Variants in THADA observed in about 807,000 individuals in gnomAD.
The protein encoded by THADA is tRNA (32-2'-O)-methyltransferase regulator THADA.
THADA carries 213 observed loss-of-function variants against 219.8 expected under a neutral mutation model. The ratio of observed to expected loss-of-function variants is 0.97; its 90% CI spans 0.87 to 1.09. The LOEUF (loss-of-function observed/expected upper bound fraction) is 1.09, where lower values mean the gene tolerates loss of function less well. THADA is among the 50% of genes least tolerant of loss of function. The pLI, the probability that THADA is intolerant of heterozygous loss-of-function variation, is 0.00. For synonymous variants in THADA, 1,018 were observed against 828.9 expected (o/e 1.23, Z -3.92); for missense variants, 2,956 against 2,311.3 (o/e 1.28, Z -5.72).
intron 29 of THADA, among the ~76,000 whole-genome samples, chr2:43,349,641 C>T (rs942962029): frequency 2.3e-4 from 35 of 152,162 alleles, no homozygotes; most frequent in African/African-American, 8.0e-4. Flanking sequence ...CAGAAACCAG[C>T]AGGATCCAGC....
intron 36 of THADA, among the ~76,000 whole-genome samples, chr2:43,249,106 T>TG (rs1669556141): frequency 6.6e-6 from 1 of 151,942 alleles, no homozygotes; most frequent in South Asian, 2.1e-4. Context: ...TTTTTTGAGA[T>TG]GGGGTCTAAC....
At chr2:43,305,188 A>G (rs1452104347) in intron 31 of THADA, among the ~76,000 whole-genome samples, 1 of 151,956 alleles carries the variant, frequency 6.6e-6, no homozygotes, top group Non-Finnish European at 1.5e-5. Flanking sequence ...ATTTGTAGAG[A>G]AAAGGAAACC....
intron 31 of THADA, among the ~76,000 whole-genome samples, chr2:43,306,918 T>C (rs1181707215): frequency 3.9e-5 from 6 of 152,198 alleles, no homozygotes; most frequent in Admixed American, 3.9e-4. Flanking sequence ...GGCTTTTTCT[T>C]GTAATGTGAC....
chr2:43,498,843 G>C lies in THADA; in HGVS notation c.3734C>G (p.Pro1245Arg). The C allele has an allele frequency of 6.2e-7, 1 of 1,612,870 alleles. No homozygotes were observed. Among genetic ancestry groups the C allele is most frequent in the Non-Finnish European group, 8.5e-7 (1 of 1,179,486 alleles). ...AGTGACAGCACTTACTGCCCAGACC[G>C]GTGATGTAAAACCCAGAATTGCAGC... is the stretch of plus-strand genomic sequence containing the variant. ...AKAAILGFTS[P>R]VWAVRNSSTL... The change falls in exon 25 of 38, where the codon CCG (proline) becomes CGG (arginine). Residue 1245 changes from proline to arginine, a missense_variant. Coordinates refer to ENST00000405975, the MANE Select transcript of THADA (RefSeq NM_022065.5).
intron 35 of THADA, among the ~76,000 whole-genome samples, chr2:43,284,499 T>G (rs1187812315): frequency 6.6e-6 from 1 of 151,924 alleles, no homozygotes; most frequent in Non-Finnish European, 1.5e-5. Context: ...AAGGCAAGAG[T>G]TGAGGTTTGG....
chr2:43,556,478 T>G lies in THADA; in HGVS notation c.2541A>C (p.Thr847=), dbSNP rs780551344. The stretch of plus-strand genomic sequence containing the variant: ...TTAAGAAGTTCAGCAGGTAGGAAGC[T>G]GTCACACAGTCGTATGGTTTGGTGC... ...STSTKPYDCV[T]ASYLLNFLIW... The change falls in exon 17 of 38, where the codon ACA becomes ACC. Residue 847 remains threonine (T), a synonymous_variant. Coordinates refer to ENST00000405975, the MANE Select transcript of THADA (RefSeq NM_022065.5). 2 of 1,613,932 alleles carry G rather than the reference T, an allele frequency of 1.2e-6. No homozygotes were observed. The highest frequency in any genetic ancestry group is 4.5e-5 in the East Asian group (2 of 44,886).
In THADA at chr2:43,569,115, G is replaced by A. The variant is rs192860155; in HGVS notation, c.2187+1273C>T. Among the ~76,000 whole-genome samples the A allele has an allele frequency of 8.6e-5, 13 of 152,018 alleles. No individual in the cohort carries two copies. The East Asian group carries it at 2.1e-3, about 25-fold the overall frequency. On this transcript the variant is annotated intron_variant, in intron 14 of 37. Transcript: ENST00000405975. ...GCCTCCAGAGTATCTGGGAACACAG[G>A]TGCACACCACCACGCCCGTCTCAGG...
rs772499337 is a variant in THADA, at chr2:43,485,304, G to C, written c.3766C>G (p.Leu1256Val). ...ATTCTTGTGATCAAGGCACTAAAGA[G>C]AAGTGTGGATGAATTTCGCACCTAA... ...VWAVRNSSTL[L>V]FSALITRIFG... Residue 1256 changes from leucine to valine, a missense_variant, in exon 26 of 38, where the codon CTC (leucine) becomes GTC (valine). Transcript: ENST00000405975. 6.2e-7 allele frequency: 1 copy of C among 1,612,846 alleles called. No homozygotes were observed. The highest frequency in any genetic ancestry group is 8.5e-7 in the Non-Finnish European group (1 of 1,179,356).
At chr2:43,411,447 C>A (rs181805505) in intron 28 of THADA, among the ~76,000 whole-genome samples, 2 of 152,146 alleles carry the variant, frequency 1.3e-5, no homozygotes, top group African/African-American at 2.4e-5. Context: ...CTGTATTCAG[C>A]GGTATGATTT....
At chr2:43,251,788 C>T (rs973570978) in intron 36 of THADA, among the ~76,000 whole-genome samples, 1 of 152,220 alleles carries the variant, frequency 6.6e-6, no homozygotes, top group African/African-American at 2.4e-5. Flanking sequence ...CTCCCCTATC[C>T]TCATGCCTTT....
At chr2:43,372,864 C>T (rs998179312) in intron 29 of THADA, among the ~76,000 whole-genome samples, 3 of 152,078 alleles carry the variant, frequency 2.0e-5, no homozygotes, top group African/African-American at 7.2e-5. Flanking sequence ...ACCACACCTT[C>T]GCTAATTTTT....
At chr2:43,584,745 T>C (rs937028340) in intron 7 of THADA, among the ~76,000 whole-genome samples, 2 of 152,196 alleles carry the variant, frequency 1.3e-5, no homozygotes, top group East Asian at 3.9e-4. Context: ...ATTTGATTTG[T>C]AGTCCCAAAT....
intron 26 of THADA, among the ~76,000 whole-genome samples, chr2:43,470,757 A>T (rs950295363): frequency 2.6e-5 from 4 of 152,228 alleles, no homozygotes; most frequent in Non-Finnish European, 5.9e-5. Context: ...AAAGTGAAAC[A>T]GATAGAGGCA....
chr2:43,425,476 G>C (rs907607480), intron 28 of THADA, among the ~76,000 whole-genome samples: 2 of 151,232 alleles, frequency 1.3e-5, no homozygotes, highest in African/African-American at 4.9e-5. Flanking sequence ...GTGTGTGTGT[G>C]TGTGTGTGTG....
At position 43,439,734 on chromosome 2, in the gene THADA, G is replaced by A. The variant is rs112065771; in HGVS notation, c.3837-9432C>T. On this transcript the variant is annotated intron_variant, in intron 26 of 37. Transcript: ENST00000405975. ...AAATATAGTGTATATACGGTTCAGC[G>A]TATCCATGGTTCGAGGCATCCACTG... Among the ~76,000 whole-genome samples the A allele has an allele frequency of 2.5e-4, 38 of 152,224 alleles. 1 individual carries two copies. The highest frequency in any genetic ancestry group is 8.9e-4 in the African/African-American group (37 of 41,540).
At chr2:43,318,578 C>T (rs1426429037) in intron 31 of THADA, among the ~76,000 whole-genome samples, 2 of 152,118 alleles carry the variant, frequency 1.3e-5, no homozygotes, top group African/African-American at 4.8e-5. Context: ...CCACATATGA[C>T]TAGTGGCTGC....
chr2:43,231,718 C>A (rs1349876712), intron 37 of THADA, among the ~76,000 whole-genome samples: 5 of 152,136 alleles, frequency 3.3e-5, no homozygotes, highest in African/African-American at 9.7e-5. Context: ...GAGGAAAGGT[C>A]ATCTCTGCAG....
chr2:43,478,397 T>C (rs1685791824), intron 26 of THADA, among the ~76,000 whole-genome samples: 1 of 152,202 alleles, frequency 6.6e-6, no homozygotes, highest in Non-Finnish European at 1.5e-5. Context: ...CTCAGTGGTA[T>C]TGCTCTACAG....
intron 7 of THADA, among the ~76,000 whole-genome samples, chr2:43,584,950 C>T (rs1700850755): frequency 6.6e-6 from 1 of 152,190 alleles, no homozygotes; most frequent in Non-Finnish European, 1.5e-5. Context: ...TAGGTAAATA[C>T]ATGCACAGTG....
Sources: allele counts gnomAD v4.1 joint callset (sites outside exome capture counted in the v4.1 genomes callset), GRCh38; gene constraint gnomAD v4.1.1; transcripts MANE v1.5; gene names NCBI Gene and HGNC (gene_info 2026-07-23, HGNC 2026-07-21).